Variants in PSMD4 observed in about 807,000 individuals in gnomAD.
PSMD4 encodes the protein 26S proteasome non-ATPase regulatory subunit 4.
PSMD4 carries 5 observed loss-of-function variants against 39.7 expected under a neutral mutation model. That is an observed-to-expected ratio of 0.13 (90% CI 0.07 to 0.26). PSMD4 has a LOEUF of 0.26. Among genes scored for constraint, PSMD4 ranks in the 10% least tolerant of loss-of-function variants. The pLI is 1.00. For missense variants in PSMD4, 272 were observed against 486.1 expected, an observed-to-expected ratio of 0.56 and a Z score of 4.14; for synonymous variants, 143 against 174.6, an observed-to-expected ratio of 0.82 and a Z score of 1.43.
rs763742463 is a variant in PSMD4, at chr1:151,266,500, G to A, written c.896-20G>A. On this transcript the variant is annotated intron_variant, in intron 8 of 9. Coordinates refer to ENST00000368884, the MANE Select transcript of PSMD4 (RefSeq NM_002810.4). ...TGGGGTGAGGAAGTGTAACTGAACA[G>A]ACTGACCTCTCTTCCTCAGAGTTTG... is the stretch of plus-strand genomic sequence containing the variant. The A allele has an allele frequency of 6.2e-6, 10 of 1,614,106 alleles. No individual in the cohort carries two copies. The African/African-American group carries it at 1.3e-4, about 22-fold the overall frequency.
intron 1 of PSMD4, among the ~76,000 whole-genome samples, chr1:151,258,033 G>T (rs1693218314): frequency 6.6e-6 from 1 of 151,424 alleles, no homozygotes; most frequent in Non-Finnish European, 1.5e-5. Context: ...CTATTTGTTT[G>T]TTTTTTTGAG....
intron 2 of PSMD4, among the ~76,000 whole-genome samples, chr1:151,263,321 G>A (rs368884195): frequency 2.8e-4 from 43 of 151,812 alleles, no homozygotes; most frequent in South Asian, 1.3e-3. Context: ...AAAATTAGCC[G>A]GGCGTGGTGG....
chr1:151,267,435 A>T lies in PSMD4; in HGVS notation c.*92A>T. 6.9e-7 allele frequency: 1 copy of T among 1,444,276 alleles called. No homozygotes were observed. Among genetic ancestry groups the T allele is most frequent in the Non-Finnish European group, 9.4e-7 (1 of 1,064,570 alleles). The allele number at this position is 1,444,276 out of a possible 1,614,324, so 89.5% of individuals were successfully genotyped here. On this transcript the variant is annotated 3_prime_UTR_variant, in exon 10 of 10. Coordinates refer to ENST00000368884, the MANE Select transcript of PSMD4 (RefSeq NM_002810.4). ...GATGTGTGTTATCTGTAACCATTACAGCCTAAATAAAGCTTGGCAACTTTT... is the reference window on the plus strand; with the variant it reads ...GATGTGTGTTATCTGTAACCATTACTGCCTAAATAAAGCTTGGCAACTTTT...
In PSMD4 at chr1:151,264,526, G is replaced by A. The variant is rs150834810; in HGVS notation, c.283-306G>A. Among the ~76,000 whole-genome samples, 1,095 of 151,638 alleles carry A rather than the reference G, an allele frequency of 7.2e-3. 12 individuals carry two copies. The highest frequency in any genetic ancestry group is 0.025 in the African/African-American group (1,023 of 41,334). On this transcript the variant is annotated intron_variant, in intron 3 of 9. Transcript: ENST00000368884. ...CTAGGAAGGCTGAGGCAGGATAATC[G>A]CTGGAACCCGGGAGGTGGAGGTTGC...
At chr1:151,254,908 C>A in intron 1 of PSMD4, 100 bp downstream of exon 1, 1 of 1,359,904 alleles carries the variant, frequency 7.4e-7, no homozygotes, top group Non-Finnish European at 9.6e-7. Context: ...GGCTCATGGG[C>A]GAGAGGCGGC....
chr1:151,259,818 C>T (rs965022069), intron 1 of PSMD4, among the ~76,000 whole-genome samples: 3 of 152,050 alleles, frequency 2.0e-5, no homozygotes, highest in Non-Finnish European at 4.4e-5. Context: ...TGGGCTCAAG[C>T]GATTCTCCCT....
chr1:151,264,975 TC>T, intron 4 of PSMD4, 57 bp downstream of exon 4: 1 of 1,484,786 alleles, frequency 6.7e-7, no homozygotes, highest in Non-Finnish European at 9.3e-7. Flanking sequence ...ACTGAGGTCT[TC>T]CAGCCCTCAG....
chr1:151,262,230 T>C lies in PSMD4; in HGVS notation c.96T>C (p.Ala32=), dbSNP rs775856756. 6.2e-7 allele frequency: 1 copy of C among 1,614,240 alleles called. No homozygotes were observed. The highest frequency in any genetic ancestry group is 1.1e-5 in the South Asian group (1 of 91,090). ...CCAGGCTGCAGGCCCAGCAGGATGC[T>C]GTCAACATAGTTTGTCATTCAAAGA... is the stretch of plus-strand genomic sequence containing the variant. The part of the protein sequence containing the change: ...LPTRLQAQQD[A]VNIVCHSKTR... The change falls in exon 2 of 10, where the codon GCT becomes GCC. Residue 32 remains alanine, a synonymous_variant. Transcript: ENST00000368884.
At chr1:151,262,068 GACTGCTGCTATAGGGGGCCTCTGGA>G in intron 1 of PSMD4, 68 bp from the exon 2 acceptor site, 1 of 1,388,060 alleles carries the variant, frequency 7.2e-7, no homozygotes, top group Non-Finnish European at 1.0e-6. Context: ...ATGCTATGAA[GACTGCTGCTATAGGGGGCCTCTGGA>G]ACTGGAGAGA....
chr1:151,266,490 T>C, intron 8 of PSMD4, 30 bp from the exon 9 acceptor site: 1 of 1,614,158 alleles, frequency 6.2e-7, no homozygotes, highest in East Asian at 2.2e-5. Context: ...TGAGGAAGTG[T>C]AACTGAACAG....
chr1:151,256,868 G>T (rs1040098990), intron 1 of PSMD4, among the ~76,000 whole-genome samples: 1 of 151,818 alleles, frequency 6.6e-6, no homozygotes, highest in South Asian at 2.1e-4. Context: ...TCCTGCCTCA[G>T]CCTCCTTAGT....
intron 1 of PSMD4, chr1:151,259,287 T>G (rs1024951789): frequency 4.6e-5 from 7 of 152,134 alleles, no homozygotes; most frequent in African/African-American, 1.2e-4. Context: ...TTTTGTCAGA[T>G]TTTAGAATAT....
At position 151,267,235 on chromosome 1, in the gene PSMD4, C is replaced by T; in HGVS notation, c.1026C>T (p.Leu342=). 1 of 1,613,924 alleles carries T rather than the reference C, an allele frequency of 6.2e-7. No individual in the cohort carries two copies. Among genetic ancestry groups the T allele is most frequent in the South Asian group, 1.1e-5 (1 of 91,082 alleles). ...TCCTTCAGAGTGTCCTAGAGAACCTCCCAGGTGTGGATCCCAACAATGAAG... is the reference window on the plus strand; with the variant it reads ...TCCTTCAGAGTGTCCTAGAGAACCTTCCAGGTGTGGATCCCAACAATGAAG... ...PEFLQSVLEN[L]PGVDPNNEAI... The change falls in exon 10 of 10, where the codon CTC becomes CTT. Residue 342 remains leucine (L), a synonymous_variant. Coordinates refer to ENST00000368884, the MANE Select transcript of PSMD4 (RefSeq NM_002810.4).
rs191623676 is a variant in PSMD4 at position 151,262,540 on chromosome 1, G to T, written c.167+239G>T. The T allele has an allele frequency of 3.9e-5, 20 of 510,208 alleles. 1 individual carries two copies. Among genetic ancestry groups the T allele is most frequent in the African/African-American group, 3.4e-4 (18 of 52,182 alleles). The allele number at this position is 510,208 out of a possible 1,614,324, so 31.6% of individuals were successfully genotyped here. On this transcript the variant is annotated intron_variant, in intron 2 of 9. Transcript: ENST00000368884. ...TTTATTGTTTGTTGGGCAGGGCTAGGGTAGGGGGTGAAATTTCATAATATA... is the reference window on the plus strand; with the variant it reads ...TTTATTGTTTGTTGGGCAGGGCTAGTGTAGGGGGTGAAATTTCATAATATA...
At position 151,263,755 on chromosome 1, in the gene PSMD4, C is replaced by T. The variant is rs184490078; in HGVS notation, c.168-159C>T. 228 of 440,384 alleles carry T rather than the reference C, an allele frequency of 5.2e-4. 1 individual carries two copies. In the Admixed American group the frequency reaches 5.3e-3, roughly 10 times the overall value. 27.3% of individuals were successfully genotyped at this position (440,384 alleles called of 1,614,324 possible). A position where few individuals can be genotyped will look rare whatever the true frequency, so the allele number is the denominator to read the frequency against. The stretch of plus-strand genomic sequence containing the variant: ...CTGAGGCAGGAGAATGGCGTGAACC[C>T]GGGAGGCGGAGCTTGCAGTGACCCG... On this transcript the variant is annotated intron_variant, in intron 2 of 9. Transcript: ENST00000368884.
In PSMD4 at chr1:151,266,350, A is replaced by C; in HGVS notation, c.806A>C (p.Glu269Ala). ...ALLKMTISQQ[E>A]FGRTGLPDLS... ...CTGAAGATGACCATCAGCCAGCAAG[A>C]GTTTGGCCGCACTGGGCTTCCTGAC... The change falls in exon 8 of 10, where the codon GAG (glutamate) becomes GCG (alanine). Residue 269 changes from glutamate to alanine, a missense_variant. By Grantham distance (107) the Glu-to-Ala change is moderately radical (BLOSUM62 -1). This residue lies in a region of PSMD4 where 113 missense variants were observed against 184.6 expected (regional missense o/e 0.61). Coordinates refer to ENST00000368884, the MANE Select transcript of PSMD4 (RefSeq NM_002810.4). 6.2e-7 allele frequency: 1 copy of C among 1,614,174 alleles called. No individual in the cohort carries two copies. The highest frequency in any genetic ancestry group is 8.5e-7 in the Non-Finnish European group (1 of 1,180,044).
chr1:151,256,363 TAA>T (rs56844459), intron 1 of PSMD4, among the ~76,000 whole-genome samples: 1,344 of 37,546 alleles, frequency 0.036, 66 homozygotes, highest in African/African-American at 0.098. Flanking sequence ...AAAATAATAA[TAA>T]AATAAATAAA....
At chr1:151,256,582 G>GCA (rs1352475025) in intron 1 of PSMD4, among the ~76,000 whole-genome samples, 1 of 148,302 alleles carries the variant, frequency 6.7e-6, no homozygotes. Context: ...GGGATTACAG[G>GCA]TGCCCGCCAC....
rs776801883 is a variant in PSMD4 at position 151,266,442 on chromosome 1, G to A, written c.895+3G>A. 1.9e-6 allele frequency: 3 copies of A among 1,614,234 alleles called. No individual in the cohort carries two copies. Among genetic ancestry groups the A allele is most frequent in the Non-Finnish European group, 2.5e-6 (3 of 1,180,050 alleles). On this transcript the variant is annotated splice_donor_region_variant and intron_variant, in intron 8 of 9. Transcript: ENST00000368884. ...GCAGATGTCCCTGCAGGGAGCAGGT[G>A]AGCCAGAGCCTGGGTGGTGCCTAGG... is the stretch of plus-strand genomic sequence containing the variant.
Sources: allele counts gnomAD v4.1 joint callset (sites outside exome capture counted in the v4.1 genomes callset), GRCh38; gene constraint gnomAD v4.1.1; regional missense constraint gnomAD v4.1.1; transcripts MANE v1.5; gene names NCBI Gene and HGNC (gene_info 2026-07-23, HGNC 2026-07-21).